Variants in OR9Q1 observed in about 807,000 individuals in gnomAD.
The protein encoded by OR9Q1 is olfactory receptor family 9 subfamily Q member 1.
For missense variants in OR9Q1, 374 were observed against 378.8 expected (o/e 0.99, Z 0.11); for synonymous variants, 153 against 148.6 (o/e 1.03, Z -0.22).
At chr11:58,172,637 G>A (rs1350979791) in intron 2 of OR9Q1, among the ~76,000 whole-genome samples, 1 of 152,038 alleles carries the variant, frequency 6.6e-6, no homozygotes, top group African/African-American at 2.4e-5. Context: ...CTCAAACGCA[G>A]GCAATCTGAC....
At chr11:58,176,435 A>C (rs140263538) in intron 2 of OR9Q1, among the ~76,000 whole-genome samples, 2 of 152,294 alleles carry the variant, frequency 1.3e-5, no homozygotes, top group Non-Finnish European at 2.9e-5. Context: ...CATTGATTGG[A>C]GACCTCAGAG....
intron 2 of OR9Q1, among the ~76,000 whole-genome samples, chr11:58,112,332 C>T (rs913916838): frequency 2.0e-5 from 3 of 151,706 alleles, no homozygotes; most frequent in South Asian, 2.1e-4. Context: ...TTCTTTGAGG[C>T]GCTTAGAAGA....
intron 2 of OR9Q1, among the ~76,000 whole-genome samples, chr11:58,060,528 G>C (rs533765484): frequency 1.3e-5 from 2 of 152,308 alleles, no homozygotes; most frequent in Admixed American, 6.5e-5. Flanking sequence ...TGTCAGTGTA[G>C]AGTGTGATTT....
intron 2 of OR9Q1, among the ~76,000 whole-genome samples, chr11:58,174,842 A>G (rs1006359937): frequency 2.0e-5 from 3 of 151,600 alleles, no homozygotes; most frequent in African/African-American, 7.3e-5. Context: ...GCAGTGGCTC[A>G]TGCTTGTAAT....
chr11:58,046,552 T>C (rs1030883869), intron 1 of OR9Q1, among the ~76,000 whole-genome samples: 5 of 152,134 alleles, frequency 3.3e-5, no homozygotes, highest in Non-Finnish European at 5.9e-5. Flanking sequence ...ATAGTTGAGA[T>C]GTAACTGCAC....
Position 58,068,871 on chromosome 11 carries a change from A to C in OR9Q1, c.-15+12924A>C, listed in dbSNP as rs377235067. 1.7e-3 allele frequency among the ~76,000 whole-genome samples: 265 copies of C among 152,262 alleles called. 3 individuals are homozygous for C. The highest frequency in any genetic ancestry group is 6.1e-3 in the African/African-American group (254 of 41,564). On this transcript the variant is annotated intron_variant, in intron 2 of 2. Coordinates refer to ENST00000335397, the MANE Select transcript of OR9Q1 (RefSeq NM_001005212.4). ...CACTGGTTGGCCTGAAGGGAGCACCAGGGAGCGGGAAAAGTGCAGCGCTGG... is the reference window on the plus strand; with the variant it reads ...CACTGGTTGGCCTGAAGGGAGCACCCGGGAGCGGGAAAAGTGCAGCGCTGG...
intron 2 of OR9Q1, among the ~76,000 whole-genome samples, chr11:58,120,320 A>G (rs1218096888): frequency 6.6e-6 from 1 of 152,198 alleles, no homozygotes; most frequent in Non-Finnish European, 1.5e-5. Flanking sequence ...ACATTGTCCA[A>G]AATCAAAGTT....
At chr11:58,162,691 A>G (rs1452117971) in intron 2 of OR9Q1, among the ~76,000 whole-genome samples, 1 of 152,200 alleles carries the variant, frequency 6.6e-6, no homozygotes, top group Non-Finnish European at 1.5e-5. Context: ...AATAATTCAT[A>G]TATTTTGAGT....
At chr11:58,096,994 G>C (rs1279465339) in intron 2 of OR9Q1, among the ~76,000 whole-genome samples, 4 of 152,048 alleles carry the variant, frequency 2.6e-5, no homozygotes, top group Admixed American at 6.6e-5. Context: ...GTGAGCCACT[G>C]TGCCCTGCCT....
chr11:58,112,389 G>T (rs1229435352), intron 2 of OR9Q1, among the ~76,000 whole-genome samples: 3 of 152,142 alleles, frequency 2.0e-5, no homozygotes, highest in Non-Finnish European at 4.4e-5. Context: ...CACAGATTCA[G>T]ATTTCTAAAT....
intron 2 of OR9Q1, among the ~76,000 whole-genome samples, chr11:58,090,829 T>C (rs913468602): frequency 6.6e-6 from 1 of 152,238 alleles, no homozygotes; most frequent in African/African-American, 2.4e-5. Flanking sequence ...AACTTGTTAT[T>C]GGTCTATTCA....
chr11:58,129,176 A>G (rs190476806), intron 2 of OR9Q1, among the ~76,000 whole-genome samples: 258 of 151,626 alleles, frequency 1.7e-3, no homozygotes, highest in African/African-American at 5.6e-3. Context: ...CACCATCTCA[A>G]CGGTGGTGGT....
At chr11:58,082,457 GA>G (rs1259031090) in intron 2 of OR9Q1, among the ~76,000 whole-genome samples, 1 of 151,764 alleles carries the variant, frequency 6.6e-6, no homozygotes, top group Non-Finnish European at 1.5e-5. Context: ...GGACATGGAT[GA>G]AATTGGAAAT....
At chr11:58,088,899 G>A (rs371935134) in intron 2 of OR9Q1, among the ~76,000 whole-genome samples, 10 of 151,128 alleles carry the variant, frequency 6.6e-5, no homozygotes, top group East Asian at 1.9e-4. Flanking sequence ...TTTTTGAGAC[G>A]GAGTTTCGCT....
intron 2 of OR9Q1, among the ~76,000 whole-genome samples, chr11:58,175,330 TC>T (rs886351015): frequency 2.0e-5 from 3 of 151,888 alleles, no homozygotes; most frequent in Non-Finnish European, 4.4e-5. Flanking sequence ...CCCTGGAGTA[TC>T]CCTTGGGCTC....
At chr11:58,147,083 T>C (rs1854305926) in intron 2 of OR9Q1, among the ~76,000 whole-genome samples, 1 of 152,184 alleles carries the variant, frequency 6.6e-6, no homozygotes, top group South Asian at 2.1e-4. Flanking sequence ...AGTTGGTGCA[T>C]CCCAGTGCAT....
chr11:58,042,436 G>A (rs2119943198), intron 1 of OR9Q1, among the ~76,000 whole-genome samples: 1 of 151,954 alleles, frequency 6.6e-6, no homozygotes, highest in Middle Eastern at 3.4e-3. Flanking sequence ...TCTCAGGTTT[G>A]TCAAAGATCA....
chr11:58,179,167 T>G (rs961822910), intron 2 of OR9Q1, among the ~76,000 whole-genome samples: 6 of 151,224 alleles, frequency 4.0e-5, no homozygotes, highest in African/African-American at 1.5e-4. Flanking sequence ...GGATTACAGG[T>G]GCTCACCACC....
At position 58,027,087 on chromosome 11, in the gene OR9Q1, T is replaced by G. The variant is rs536250878; in HGVS notation, c.-93+2983T>G. Among the ~76,000 whole-genome samples, 21 of 152,318 alleles carry G rather than the reference T, an allele frequency of 1.4e-4. 1 individual carries two copies. In the South Asian group the frequency reaches 2.9e-3, roughly 21 times the overall value. On this transcript the variant is annotated intron_variant, in intron 1 of 2. Coordinates refer to ENST00000335397, the MANE Select transcript of OR9Q1 (RefSeq NM_001005212.4). ...TCTGATTTGGAATTCAAGAAAAGCT[T>G]CCCTTGCAGTTTGTTAATTAGCATT...
Sources: gnomAD v4.1 joint callset for allele counts (sites outside exome capture counted in the v4.1 genomes callset) on GRCh38, gnomAD v4.1.1 for gene constraint, MANE v1.5 for transcripts, NCBI Gene and HGNC (gene_info 2026-07-23, HGNC 2026-07-21) for gene names.